The following PCDHGA6 variants were observed in gnomAD, a reference collection of about 807,000 sequenced individuals.
PCDHGA6 encodes protocadherin gamma subfamily A, 6.
A neutral mutation model predicts 60.6 loss-of-function variants in PCDHGA6; 41 were observed. The observed-to-expected ratio is 0.68, with a 90% CI of 0.53 to 0.88. The LOEUF is 0.88. Among genes scored for constraint, PCDHGA6 ranks in the 40% least tolerant of loss-of-function variants. The pLI is 0.00. For missense variants in PCDHGA6, 1,312 were observed against 1,203.0 expected (o/e 1.09, Z -1.34); for synonymous variants, 594 against 524.4 (o/e 1.13, Z -1.81).
At chr5:141,408,045 A>G (rs544263424) in intron 1 of PCDHGA6, 8 of 1,236,658 alleles carry the variant, frequency 6.5e-6, no homozygotes, top group Admixed American at 3.0e-5. Flanking sequence ...CAGCTCCCAC[A>G]CAGAGCCTCC....
intron 1 of PCDHGA6, among the ~76,000 whole-genome samples, chr5:141,425,778 C>G (rs2096893107): frequency 6.6e-6 from 1 of 152,160 alleles, no homozygotes; most frequent in African/African-American, 2.4e-5. Flanking sequence ...AAGACTTTGC[C>G]TAGTTCTTCC....
At chr5:141,488,236 T>G (rs1333427955) in intron 1 of PCDHGA6, among the ~76,000 whole-genome samples, 2 of 152,154 alleles carry the variant, frequency 1.3e-5, no homozygotes, top group Non-Finnish European at 2.9e-5. Context: ...TTGAACTAGA[T>G]GCGGTAAATT....
intron 1 of PCDHGA6, among the ~76,000 whole-genome samples, chr5:141,451,498 C>A (rs2098717552): frequency 6.6e-6 from 1 of 152,208 alleles, no homozygotes; most frequent in South Asian, 2.1e-4. Flanking sequence ...CTCCATAGGG[C>A]AACCAGCTTC....
chr5:141,409,033 A>C, intron 1 of PCDHGA6: 1 of 1,614,028 alleles, frequency 6.2e-7, no homozygotes, highest in South Asian at 1.1e-5. Context: ...ATGCTGAGAT[A>C]AACTACTACT....
In PCDHGA6 at chr5:141,408,106, G is replaced by A. The variant is rs1474157141; in HGVS notation, c.2424+31599G>A. The A allele has an allele frequency of 8.3e-6, 12 of 1,444,288 alleles. No individual in the cohort carries two copies. In the East Asian group the frequency reaches 2.7e-4, roughly 33 times the overall value. 89.5% of individuals were successfully genotyped at this position (1,444,288 alleles called of 1,614,324 possible). On this transcript the variant is annotated intron_variant, in intron 1 of 3. Transcript: ENST00000517434. ...AGCGGATTGCCAGCTCCGAGACCCG[G>A]GACTCCTCCTGTCCTGGGCCGAATG...
At chr5:141,401,669 T>A (rs2094181201) in intron 1 of PCDHGA6, among the ~76,000 whole-genome samples, 1 of 152,234 alleles carries the variant, frequency 6.6e-6, no homozygotes, top group Admixed American at 6.5e-5. Context: ...TTTCTCAACA[T>A]CCTTGTAGGA....
chr5:141,447,823 C>T lies in PCDHGA6; in HGVS notation c.2425-46984C>T, dbSNP rs192381755. ...AAAATTGGCTGGGCGTGGTGGCTCA[C>T]GCCTGTAATCCCAGTGCTTTGGGAG... On this transcript the variant is annotated intron_variant, in intron 1 of 3. Coordinates refer to ENST00000517434, the MANE Select transcript of PCDHGA6 (RefSeq NM_018919.3). Among the ~76,000 whole-genome samples, 677 of 152,272 alleles carry T rather than the reference C, an allele frequency of 4.4e-3. 5 individuals are homozygous for T. Among genetic ancestry groups the T allele is most frequent in the African/African-American group, 0.015 (635 of 41,548 alleles).
Position 141,511,042 on chromosome 5 carries a change from G to C in PCDHGA6, c.2668G>C (p.Asp890His), listed in dbSNP as rs774071540. Residue 890 changes from aspartate (D) to histidine (H), a missense_variant, in exon 4 of 4, where the codon GAC becomes CAC. Transcript: ENST00000517434. Reference sequence around the variant, plus strand: ...CCAGTTCACCCTGCAGCACGTGCCCGACTACCGCCAGAATGTCTACATCCC... The same window carrying C: ...CCAGTTCACCCTGCAGCACGTGCCCCACTACCGCCAGAATGTCTACATCCC... ...GPQFTLQHVP[D>H]YRQNVYIPGS... 6.2e-7 allele frequency: 1 copy of C among 1,614,182 alleles called. No homozygotes were observed. Among genetic ancestry groups the C allele is most frequent in the South Asian group, 1.1e-5 (1 of 91,084 alleles).
At chr5:141,433,085 G>A in intron 1 of PCDHGA6, 1 of 1,614,170 alleles carries the variant, frequency 6.2e-7, no homozygotes, top group Non-Finnish European at 8.5e-7. Flanking sequence ...GCCCAACTAT[G>A]CAGACATGCT....
chr5:141,421,731 C>A (rs73792198), intron 1 of PCDHGA6: 144,261 of 1,613,668 alleles, frequency 0.089, 7,407 homozygotes, highest in African/African-American at 0.18. Flanking sequence ...TGAACTCCCT[C>A]CAGAGCTACC....
intron 1 of PCDHGA6, chr5:141,418,597 G>A (rs2096274061): frequency 3.7e-6 from 6 of 1,614,052 alleles, no homozygotes; most frequent in Non-Finnish European, 5.1e-6. Flanking sequence ...GCCAGGACGT[G>A]TACAGGGTTA....
chr5:141,427,435 T>G, intron 1 of PCDHGA6: 1 of 474,160 alleles, frequency 2.1e-6, no homozygotes, highest in Non-Finnish European at 4.2e-6. Context: ...ACATGCCTCA[T>G]AAACGAAAGA....
intron 1 of PCDHGA6, chr5:141,393,928 A>G: frequency 2.5e-6 from 4 of 1,614,004 alleles, no homozygotes; most frequent in South Asian, 2.2e-5. Flanking sequence ...TTGAGTGTGC[A>G]TGACCAAGAC....
intron 1 of PCDHGA6, among the ~76,000 whole-genome samples, chr5:141,445,711 G>A (rs978623618): frequency 1.3e-5 from 2 of 152,202 alleles, no homozygotes; most frequent in African/African-American, 4.8e-5. Context: ...TTGTCAGGCA[G>A]AGGAAATAGC....
At chr5:141,395,207 T>C (rs1589256269) in intron 1 of PCDHGA6, 6 of 1,613,702 alleles carry the variant, frequency 3.7e-6, no homozygotes, top group Non-Finnish European at 5.1e-6. Context: ...TAGATTTTCA[T>C]GAATATAAGA....
intron 1 of PCDHGA6, among the ~76,000 whole-genome samples, chr5:141,438,613 TATATATATATATATATATATATACAC>T (rs1192023297): frequency 0.026 from 946 of 36,486 alleles, 27 homozygotes; most frequent in African/African-American, 0.12. Flanking sequence ...TATATATATA[TATATATATATATATATATATATACAC>T]ACACACACAC....
At chr5:141,385,399 G>A in intron 1 of PCDHGA6, 1 of 1,492,926 alleles carries the variant, frequency 6.7e-7, no homozygotes, top group Non-Finnish European at 8.9e-7. Flanking sequence ...CAAAACAAAT[G>A]TTTTGAAAAT....
intron 1 of PCDHGA6, chr5:141,410,094 C>A: frequency 6.2e-7 from 1 of 1,612,646 alleles, no homozygotes; most frequent in South Asian, 1.1e-5. Context: ...ACGGCTCGAG[C>A]CTTAGGCGAC....
intron 1 of PCDHGA6, among the ~76,000 whole-genome samples, chr5:141,473,195 C>T (rs1053769499): frequency 6.6e-6 from 1 of 152,104 alleles, no homozygotes; most frequent in African/African-American, 2.4e-5. Flanking sequence ...GTAAATGTAT[C>T]TTCTAAAAAA....
Sources: allele counts gnomAD v4.1 joint callset (sites outside exome capture counted in the v4.1 genomes callset), GRCh38; gene constraint gnomAD v4.1.1; transcripts MANE v1.5; gene names NCBI Gene and HGNC (gene_info 2026-07-23, HGNC 2026-07-21).